The following ZNF892 variants were observed in gnomAD, a reference collection of about 807,000 sequenced individuals.
The protein encoded by ZNF892 is zinc finger protein 570-like.
At chr2:95,220,556 T>C in the ZNF892 span, among the ~76,000 whole-genome samples, 1 of 152,192 alleles carries the variant, frequency 6.6e-6, no homozygotes, top group African/African-American at 2.4e-5. Flanking sequence ...CCCGGATTTT[T>C]AGTTGTAGTT....
At chr2:95,216,112 G>C in the ZNF892 span, among the ~76,000 whole-genome samples, 1 of 152,138 alleles carries the variant, frequency 6.6e-6, no homozygotes, top group African/African-American at 2.4e-5. Context: ...TAGAAAAAAA[G>C]AGCTAGGGGA....
At chr2:95,227,741 C>T in the ZNF892 span, among the ~76,000 whole-genome samples, 3 of 152,028 alleles carry the variant, frequency 2.0e-5, no homozygotes, top group Non-Finnish European at 2.9e-5. Flanking sequence ...CTCAGCTTCC[C>T]GAGTATCTGG....
At chr2:95,246,781 A>G in the ZNF892 span, among the ~76,000 whole-genome samples, 1 of 152,326 alleles carries the variant, frequency 6.6e-6, no homozygotes, top group Admixed American at 6.5e-5. Context: ...AGAATGAAAT[A>G]CCTAGGAATA....
chr2:95,215,724 A>G, the ZNF892 span: 1 of 397,358 alleles, frequency 2.5e-6, no homozygotes, highest in Non-Finnish European at 4.4e-6. Context: ...GTCATTGCTG[A>G]TGTGGGAGGT....
the ZNF892 span, among the ~76,000 whole-genome samples, chr2:95,237,168 A>G: frequency 2.8e-5 from 4 of 143,876 alleles, no homozygotes; most frequent in Non-Finnish European, 6.0e-5. Flanking sequence ...TTATTTTGAG[A>G]CTAGAGTCTC....
At chr2:95,245,788 C>T in the ZNF892 span, among the ~76,000 whole-genome samples, 1 of 152,110 alleles carries the variant, frequency 6.6e-6, no homozygotes, top group Non-Finnish European at 1.5e-5. Flanking sequence ...AAATACTGGA[C>T]ACATACACCC....
chr2:95,255,967 G>A, the ZNF892 span, among the ~76,000 whole-genome samples: 1 of 152,118 alleles, frequency 6.6e-6, no homozygotes, highest in Admixed American at 6.6e-5. Context: ...TTGAGCCTAT[G>A]TGTGTCTCTG....
chr2:95,242,937 T>C, the ZNF892 span, among the ~76,000 whole-genome samples: 1 of 152,184 alleles, frequency 6.6e-6, no homozygotes, highest in Non-Finnish European at 1.5e-5. Flanking sequence ...CTCGGCTCAC[T>C]GCAACCTCCC....
chr2:95,216,534 C>T, the ZNF892 span, among the ~76,000 whole-genome samples: 1 of 152,164 alleles, frequency 6.6e-6, no homozygotes, highest in Non-Finnish European at 1.5e-5. Context: ...TGCACTGACA[C>T]TGCATATTAG....
the ZNF892 span, among the ~76,000 whole-genome samples, chr2:95,257,185 C>T: frequency 6.6e-6 from 1 of 151,990 alleles, no homozygotes; most frequent in Non-Finnish European, 1.5e-5. Flanking sequence ...GCTGTTTTTT[C>T]CCCATATTTG....
At chr2:95,220,132 G>T in the ZNF892 span, among the ~76,000 whole-genome samples, 1 of 152,282 alleles carries the variant, frequency 6.6e-6, no homozygotes, top group South Asian at 2.1e-4. Context: ...TGCTCAGTTG[G>T]TCTTCTCTGA....
At chr2:95,215,185 C>A in the ZNF892 span, 1 of 455,260 alleles carries the variant, frequency 2.2e-6, no homozygotes, top group Non-Finnish European at 3.9e-6. Flanking sequence ...AGAACTCATA[C>A]TGGGGAGCGG....
chr2:95,237,256 TCC>T, the ZNF892 span, among the ~76,000 whole-genome samples: 2 of 151,844 alleles, frequency 1.3e-5, no homozygotes, highest in Non-Finnish European at 2.9e-5. Context: ...CAAGTGATTC[TCC>T]TGCCTCAGTC....
the ZNF892 span, among the ~76,000 whole-genome samples, chr2:95,229,196 T>C: frequency 2.0e-5 from 3 of 152,196 alleles, no homozygotes; most frequent in Admixed American, 2.0e-4. Flanking sequence ...CAGGGCAAAA[T>C]AAACTTTCTA....
chr2:95,258,265 G>A, the ZNF892 span, among the ~76,000 whole-genome samples: 1 of 152,196 alleles, frequency 6.6e-6, no homozygotes, highest in South Asian at 2.1e-4. Flanking sequence ...GTCACTGTGA[G>A]AGCACACCAA....
chr2:95,248,270 T>C, the ZNF892 span, among the ~76,000 whole-genome samples: 1 of 152,150 alleles, frequency 6.6e-6, no homozygotes, highest in Non-Finnish European at 1.5e-5. Flanking sequence ...CACTTATAAG[T>C]GGGAGTTAAA....
the ZNF892 span, among the ~76,000 whole-genome samples, chr2:95,254,123 T>C: frequency 6.6e-6 from 1 of 152,206 alleles, no homozygotes. Context: ...CTATGTTGAA[T>C]AGGAGTGGTG....
At chr2:95,220,355 T>G in the ZNF892 span, among the ~76,000 whole-genome samples, 1 of 151,718 alleles carries the variant, frequency 6.6e-6, no homozygotes, top group African/African-American at 2.4e-5. Context: ...GGGCTTTTTT[T>G]TTTTTTTTGG....
chr2:95,209,562 A>G, the ZNF892 span, among the ~76,000 whole-genome samples: 3 of 152,038 alleles, frequency 2.0e-5, no homozygotes, highest in Admixed American at 6.6e-5. Context: ...AGGTGCTGGG[A>G]CTCTTTATTT....
Sources: gnomAD v4.1 joint callset for allele counts (sites outside exome capture counted in the v4.1 genomes callset) on GRCh38, gnomAD v4.1.1 for gene constraint, MANE v1.5 for transcripts, NCBI Gene and HGNC (gene_info 2026-07-23, HGNC 2026-07-21) for gene names.